TAFA5: variants seen among roughly 807,000 people sequenced by gnomAD.
TAFA5 encodes TAFA chemokine like family member 5, also known as chemokine-like protein TAFA-5.
Under a neutral mutation model 15.3 loss-of-function variants are expected in TAFA5, and 6 were observed. The observed-to-expected ratio is 0.39, with a 90% CI of 0.21 to 0.77. The LOEUF is 0.77. TAFA5 is among the 30% of genes least tolerant of loss of function. TAFA5 has a pLI of 0.41. For missense variants in TAFA5, 161 were observed against 193.1 expected, an observed-to-expected ratio of 0.83 and a Z score of 0.98; for synonymous variants, 103 against 80.7, an observed-to-expected ratio of 1.28 and a Z score of -1.48.
chr22:48,723,219 C>T (rs1929621735), intron 3 of TAFA5, among the ~76,000 whole-genome samples: 1 of 152,234 alleles, frequency 6.6e-6, no homozygotes, highest in Admixed American at 6.5e-5. Flanking sequence ...CAGCCACCCC[C>T]TTCCAAATGG....
intron 1 of TAFA5, among the ~76,000 whole-genome samples, chr22:48,551,696 C>T (rs1569022795): frequency 6.6e-6 from 1 of 152,152 alleles, no homozygotes; most frequent in Non-Finnish European, 1.5e-5. Flanking sequence ...TCGTGGTCTG[C>T]AGCAGTGATG....
chr22:48,709,569 G>A (rs541520758), intron 3 of TAFA5, among the ~76,000 whole-genome samples: 1 of 152,362 alleles, frequency 6.6e-6, no homozygotes, highest in Admixed American at 6.5e-5. Flanking sequence ...AGGGATGGGT[G>A]TGAAAGCCAC....
chr22:48,678,189 C>T (rs958034241), intron 2 of TAFA5, among the ~76,000 whole-genome samples: 2 of 152,304 alleles, frequency 1.3e-5, no homozygotes, highest in South Asian at 4.1e-4. Context: ...GTTCCCTCTG[C>T]TGAGGGCTTC....
chr22:48,641,599 C>T (rs1014720971), intron 1 of TAFA5, among the ~76,000 whole-genome samples: 12 of 145,798 alleles, frequency 8.2e-5, no homozygotes, highest in South Asian at 4.5e-4. Context: ...CCACCCCACA[C>T]GCCCTCCGCT....
chr22:48,619,827 C>T (rs1291625905), intron 1 of TAFA5, among the ~76,000 whole-genome samples: 3 of 152,222 alleles, frequency 2.0e-5, no homozygotes, highest in Non-Finnish European at 2.9e-5. Context: ...GGGTGGGAAG[C>T]GCTGTCCTCG....
At chr22:48,720,508 G>T (rs926559786) in intron 3 of TAFA5, among the ~76,000 whole-genome samples, 1 of 152,142 alleles carries the variant, frequency 6.6e-6, no homozygotes, top group Non-Finnish European at 1.5e-5. Context: ...CTGAGTAAAT[G>T]GCAGACAGCA....
intron 1 of TAFA5, chr22:48,576,304 A>G (rs1601589345): frequency 3.7e-6 from 3 of 821,820 alleles, no homozygotes; most frequent in African/African-American, 1.9e-5. Context: ...CCCCCTGCCC[A>G]GAAAGACACA....
chr22:48,661,591 G>A (rs1193597441), intron 2 of TAFA5, among the ~76,000 whole-genome samples: 10 of 152,304 alleles, frequency 6.6e-5, no homozygotes, highest in East Asian at 1.9e-4. Context: ...GCCTGGTCCC[G>A]CCCTATGGGG....
intron 1 of TAFA5, chr22:48,538,932 T>G (rs1168867150): frequency 6.1e-6 from 1 of 164,016 alleles, no homozygotes. Context: ...CTGTGACTTT[T>G]CAGTTTGTGT....
chr22:48,693,584 G>C (rs1299003960), intron 2 of TAFA5, among the ~76,000 whole-genome samples: 1 of 152,156 alleles, frequency 6.6e-6, no homozygotes, highest in Non-Finnish European at 1.5e-5. Flanking sequence ...CCCTGGTCCG[G>C]CTCTGGGCCT....
At chr22:48,494,178 G>A (rs148599712) in intron 1 of TAFA5, among the ~76,000 whole-genome samples, 40 of 152,348 alleles carry the variant, frequency 2.6e-4, no homozygotes, top group African/African-American at 9.4e-4. Flanking sequence ...AGCATTTTCA[G>A]GTGACTTTTA....
At chr22:48,697,450 A>ATGG (rs199843113) in intron 2 of TAFA5, among the ~76,000 whole-genome samples, 15 of 127,282 alleles carry the variant, frequency 1.2e-4, no homozygotes, top group South Asian at 6.4e-4. Flanking sequence ...GAGGATCAGG[A>ATGG]TGGTGGTGGT....
rs534521590 is a variant in TAFA5 at position 48,550,314 on chromosome 22, A to G, written c.112+60610A>G. On this transcript the variant is annotated intron_variant, in intron 1 of 3. Transcript: ENST00000402357. This position sits in a 1 kb window ranked among gnomAD's most constrained non-coding sequence, Gnocchi z 4.1. ...ACAGGGTCAGTGCAGGCCACAGGTG[A>G]GGCCAGATGCAGACAGGAGCGCCAT... Among the ~76,000 whole-genome samples, 2 of 152,336 alleles carry G rather than the reference A, an allele frequency of 1.3e-5. No homozygotes were observed. Among genetic ancestry groups the G allele is most frequent in the Admixed American group, 1.3e-4 (2 of 15,312 alleles).
intron 1 of TAFA5, among the ~76,000 whole-genome samples, chr22:48,525,408 C>T (rs936371101): frequency 1.2e-4 from 18 of 152,168 alleles, no homozygotes; most frequent in Non-Finnish European, 2.9e-5. Flanking sequence ...CTGCCTGCTC[C>T]GCCTGCTGGA....
At chr22:48,736,901 C>T (rs1930045175) in intron 3 of TAFA5, among the ~76,000 whole-genome samples, 1 of 151,458 alleles carries the variant, frequency 6.6e-6, no homozygotes, top group African/African-American at 2.5e-5. Context: ...CTAAAGTTGG[C>T]TGTGGTGATG....
chr22:48,644,522 G>A (rs925372551), intron 1 of TAFA5, among the ~76,000 whole-genome samples: 4 of 152,196 alleles, frequency 2.6e-5, no homozygotes, highest in Admixed American at 6.5e-5. Context: ...AATCAGACAC[G>A]GGCACTCCCC....
chr22:48,513,282 G>A (rs1043868663), intron 1 of TAFA5, among the ~76,000 whole-genome samples: 6 of 152,230 alleles, frequency 3.9e-5, no homozygotes, highest in African/African-American at 1.4e-4. Flanking sequence ...GAGTAACATT[G>A]CTTCCTTCGA....
chr22:48,576,867 G>A (rs561728529), intron 1 of TAFA5, among the ~76,000 whole-genome samples: 5 of 151,988 alleles, frequency 3.3e-5, no homozygotes, highest in Admixed American at 1.3e-4. Flanking sequence ...CGAGGCTGCC[G>A]TTCCCATCCC....
chr22:48,696,396 C>T (rs1199128080), intron 2 of TAFA5, among the ~76,000 whole-genome samples: 1 of 152,190 alleles, frequency 6.6e-6, no homozygotes, highest in Non-Finnish European at 1.5e-5. Context: ...CTCCTTCCCT[C>T]CATCCTTCCC....
Sources: allele counts gnomAD v4.1 joint callset (sites outside exome capture counted in the v4.1 genomes callset), GRCh38; gene constraint gnomAD v4.1.1; non-coding constraint Gnocchi (gnomAD v3.1); transcripts MANE v1.5; gene names NCBI Gene and HGNC (gene_info 2026-07-23, HGNC 2026-07-21).